The following MRTFB variants were observed in gnomAD, a reference collection of about 807,000 sequenced individuals.
MRTFB encodes myocardin related transcription factor B.
In MRTFB, 29 loss-of-function variants were observed where a neutral mutation model predicts 104.2. The ratio of observed to expected loss-of-function variants is 0.28; its 90% CI spans 0.21 to 0.38. The LOEUF (loss-of-function observed/expected upper bound fraction) is 0.38. Among genes scored for constraint, MRTFB ranks in the 10% least tolerant of loss-of-function variants. The pLI is 1.00. For missense variants in MRTFB, 1,270 were observed against 1,341.6 expected, an observed-to-expected ratio of 0.95 and a Z score of 0.83; for synonymous variants, 535 against 519.5, an observed-to-expected ratio of 1.03 and a Z score of -0.41.
intron 2 of MRTFB, among the ~76,000 whole-genome samples, chr16:14,135,039 T>A (rs1465512462): frequency 6.6e-6 from 1 of 152,226 alleles, no homozygotes; most frequent in Non-Finnish European, 1.5e-5. Flanking sequence ...AAACTAGGTC[T>A]CTAAGAGAGA....
chr16:14,058,156 C>T, the MRTFB span, among the ~76,000 whole-genome samples: 14 of 152,262 alleles, frequency 9.2e-5, no homozygotes, highest in African/African-American at 3.1e-4. Flanking sequence ...GGCAGCTTCC[C>T]GGGGGTGCCA....
At chr16:14,095,924 T>C (rs1388898829) in intron 2 of MRTFB, among the ~76,000 whole-genome samples, 4 of 152,180 alleles carry the variant, frequency 2.6e-5, no homozygotes, top group Admixed American at 6.5e-5. Flanking sequence ...AATGTAGATA[T>C]AAATTGGGTA....
intron 3 of MRTFB, among the ~76,000 whole-genome samples, chr16:14,173,894 TA>T (rs2039499297): frequency 6.6e-6 from 1 of 152,186 alleles, no homozygotes; most frequent in African/African-American, 2.4e-5. Flanking sequence ...ACAAAACAAC[TA>T]TTTTTTTTAG....
chr16:14,087,753 C>G (rs972069884), intron 2 of MRTFB, among the ~76,000 whole-genome samples: 18 of 152,168 alleles, frequency 1.2e-4, no homozygotes, highest in African/African-American at 4.1e-4. Context: ...GGATATCCTC[C>G]TACATCTTTT....
intron 12 of MRTFB, chr16:14,248,383 T>A (rs952976128): frequency 1.3e-5 from 2 of 152,360 alleles, no homozygotes; most frequent in African/African-American, 4.8e-5. Flanking sequence ...TCCTCTGTTT[T>A]ATCTTTAGGG....
At chr16:14,154,721 T>C (rs1200190541) in intron 3 of MRTFB, among the ~76,000 whole-genome samples, 3 of 152,146 alleles carry the variant, frequency 2.0e-5, no homozygotes, top group African/African-American at 7.2e-5. Flanking sequence ...CATCTGAAGG[T>C]TCAACTAGGG....
Position 14,261,741 on chromosome 16 carries a change from A to C in MRTFB, c.*297A>C, listed in dbSNP as rs1401251656. 3.3e-6 allele frequency: 1 copy of C among 302,828 alleles called. No homozygotes were observed. The highest frequency in any genetic ancestry group is 2.2e-5 in the African/African-American group (1 of 46,292). The allele number at this position is 302,828 out of a possible 1,614,324, so 18.8% of individuals were successfully genotyped here. ...ATGAAAAGTACCTTTAGATAAAAAC[A>C]AAGAAGAGTAATATATGCAGCACAG... On this transcript the variant is annotated 3_prime_UTR_variant, in exon 17 of 17. Coordinates refer to ENST00000571589, the MANE Select transcript of MRTFB (RefSeq NM_001308142.2).
At chr16:14,080,636 T>A (rs775801022) in intron 2 of MRTFB, among the ~76,000 whole-genome samples, 2 of 152,174 alleles carry the variant, frequency 1.3e-5, no homozygotes, top group Non-Finnish European at 2.9e-5. Flanking sequence ...TGACTAACAT[T>A]TCCACACCAC....
intron 3 of MRTFB, among the ~76,000 whole-genome samples, chr16:14,207,224 G>C (rs2040988613): frequency 6.6e-6 from 1 of 152,188 alleles, no homozygotes; most frequent in Non-Finnish European, 1.5e-5. Flanking sequence ...GCAATGATGA[G>C]AGCGTTAATT....
chr16:14,049,921 C>T, the MRTFB span, among the ~76,000 whole-genome samples: 1 of 152,108 alleles, frequency 6.6e-6, no homozygotes, highest in Non-Finnish European at 1.5e-5. Flanking sequence ...TTAGTAGAGA[C>T]GGGGTTTCAC....
intron 2 of MRTFB, among the ~76,000 whole-genome samples, chr16:14,117,588 G>A (rs985479756): frequency 6.6e-6 from 1 of 152,204 alleles, no homozygotes; most frequent in Non-Finnish European, 1.5e-5. Context: ...CACAATAACT[G>A]GCACATTGTA....
At chr16:14,096,425 G>A (rs1275712104) in intron 2 of MRTFB, among the ~76,000 whole-genome samples, 1 of 152,170 alleles carries the variant, frequency 6.6e-6, no homozygotes, top group Non-Finnish European at 1.5e-5. Context: ...TCTGAAGCAC[G>A]TGTCACCAGC....
At chr16:14,033,609 T>C in the MRTFB span, among the ~76,000 whole-genome samples, 64 of 151,742 alleles carry the variant, frequency 4.2e-4, no homozygotes, top group African/African-American at 1.5e-3. Flanking sequence ...GGCTGAGGCG[T>C]GTGGATCACC....
intron 2 of MRTFB, among the ~76,000 whole-genome samples, chr16:14,087,736 T>C (rs2034808968): frequency 6.6e-6 from 1 of 152,208 alleles, no homozygotes; most frequent in Non-Finnish European, 1.5e-5. Context: ...TTGCTGTCAG[T>C]GTGAAAGGAT....
At chr16:14,053,659 A>G in the MRTFB span, among the ~76,000 whole-genome samples, 1 of 150,798 alleles carries the variant, frequency 6.6e-6, no homozygotes, top group Non-Finnish European at 1.5e-5. Context: ...TGAAAGCGGG[A>G]GGCAGAGTTG....
At chr16:14,049,141 C>A in the MRTFB span, among the ~76,000 whole-genome samples, 8 of 152,204 alleles carry the variant, frequency 5.3e-5, no homozygotes, top group Non-Finnish European at 1.2e-4. Context: ...AAACACCCTA[C>A]AGCTCATAGG....
intron 2 of MRTFB, among the ~76,000 whole-genome samples, chr16:14,127,929 A>ATATATATATATTTTT (rs1393344981): frequency 2.2e-5 from 1 of 44,640 alleles, no homozygotes. Context: ...ATATATATAT[A>ATATATATATATTTTT]TTTTTTTTTT....
chr16:14,201,320 C>T (rs186751780), intron 3 of MRTFB, among the ~76,000 whole-genome samples: 4 of 152,202 alleles, frequency 2.6e-5, no homozygotes, highest in Admixed American at 2.6e-4. Context: ...CATTGTGATC[C>T]ATAGAACATA....
intron 2 of MRTFB, among the ~76,000 whole-genome samples, chr16:14,107,648 G>A (rs1156351061): frequency 6.6e-6 from 1 of 152,204 alleles, no homozygotes; most frequent in African/African-American, 2.4e-5. Flanking sequence ...ACTGCCCTGT[G>A]CCAGCTACTG....
Sources: allele counts gnomAD v4.1 joint callset (sites outside exome capture counted in the v4.1 genomes callset), GRCh38; gene constraint gnomAD v4.1.1; transcripts MANE v1.5; gene names NCBI Gene and HGNC (gene_info 2026-07-23, HGNC 2026-07-21).